Variants in SYTL3 observed in about 807,000 individuals in gnomAD.
The protein encoded by SYTL3 is synaptotagmin like 3, also known as synaptotagmin-like protein 3.
In SYTL3, 88 loss-of-function variants were observed where a neutral mutation model predicts 82.1. The observed-to-expected ratio is 1.07, with a 90% confidence interval of 0.90 to 1.28. The LOEUF (loss-of-function observed/expected upper bound fraction) is 1.28, where lower values mean the gene tolerates loss of function less well. Among genes scored for constraint, SYTL3 ranks in the 50% most tolerant of loss-of-function variants. The probability of loss-of-function intolerance (pLI) is 0.00; values close to 1 mark genes in which losing one functional copy is unlikely to be tolerated. For synonymous variants in SYTL3, 311 were observed against 289.4 expected, an observed-to-expected ratio of 1.07 and a Z score of -0.76; for missense variants, 831 against 757.6, an observed-to-expected ratio of 1.10 and a Z score of -1.14.
rs1789907735 is a variant in SYTL3, at chr6:158,761,320, T to TTC, written c.1414+575_1414+576insTC. On this transcript the variant is annotated intron_variant, in intron 15 of 17. Coordinates refer to ENST00000611299, the MANE Select transcript of SYTL3 (RefSeq NM_001242394.2). Reference sequence around the variant, plus strand: ...ACATTTCTTTTTTTTTTTTTTTTTTTGAGACAGAGTTTTGCTCTGTCACCC... The same window carrying TTC: ...ACATTTCTTTTTTTTTTTTTTTTTTTTCGAGACAGAGTTTTGCTCTGTCACCC... Among the ~76,000 whole-genome samples the TTC allele has an allele frequency of 6.5e-4, 95 of 147,136 alleles. 4 individuals carry two copies. The highest frequency in any genetic ancestry group is 2.2e-3 in the African/African-American group (87 of 39,912).
intron 10 of SYTL3, among the ~76,000 whole-genome samples, chr6:158,720,919 G>A (rs906467304): frequency 2.0e-5 from 3 of 152,200 alleles, no homozygotes; most frequent in Admixed American, 6.5e-5. Context: ...ACGCACCACA[G>A]GCTGGGCTTG....
At chr6:158,698,871 A>C (rs1284852125) in intron 6 of SYTL3, among the ~76,000 whole-genome samples, 1 of 152,224 alleles carries the variant, frequency 6.6e-6, no homozygotes, top group Admixed American at 6.5e-5. Flanking sequence ...GGCTCCGTTT[A>C]GATAGCCCCA....
At chr6:158,686,791 A>G (rs775796060) in intron 6 of SYTL3, among the ~76,000 whole-genome samples, 29 of 152,200 alleles carry the variant, frequency 1.9e-4, no homozygotes, top group Non-Finnish European at 3.5e-4. Flanking sequence ...TAGCAGCTGC[A>G]GGAGGCAGAC....
Position 158,725,763 on chromosome 6 carries a change from A to G in SYTL3, c.855+126A>G, listed in dbSNP as rs1784655543. On this transcript the variant is annotated intron_variant, in intron 11 of 17. Coordinates refer to ENST00000611299, the MANE Select transcript of SYTL3 (RefSeq NM_001242394.2). ...CCTTATTTTTGGAGAACAGCAAGGC[A>G]TTTTATTATCCATCCTTCCATTCCT... 6 of 1,251,800 alleles carry G rather than the reference A, an allele frequency of 4.8e-6. No individual in the cohort carries two copies. The South Asian group carries it at 8.6e-5, about 18-fold the overall frequency. The allele number at this position is 1,251,800 out of a possible 1,614,324, so 77.5% of individuals were successfully genotyped here.
intron 6 of SYTL3, among the ~76,000 whole-genome samples, chr6:158,687,118 G>A (rs1779386458): frequency 6.6e-6 from 1 of 152,176 alleles, no homozygotes; most frequent in African/African-American, 2.4e-5. Flanking sequence ...TCCACGCACT[G>A]GTTATCTATT....
chr6:158,669,514 TA>T (rs1474328902), intron 5 of SYTL3, among the ~76,000 whole-genome samples: 1 of 152,212 alleles, frequency 6.6e-6, no homozygotes, highest in East Asian at 1.9e-4. Flanking sequence ...TTAACAATGA[TA>T]AAGGTGCAAC....
Position 158,764,597 on chromosome 6 carries a change from T to C in SYTL3, c.1826T>C (p.Leu609Pro). ...PNLWTDMTLVLH is the reference protein window; with the variant it reads ...PNLWTDMTLVPH ...CTATGGACAGACATGACTCTTGTCC[T>C]GCACTGACATGAAGGCCTCAAGGTT... The change falls in exon 18 of 18, where the codon CTG becomes CCG. Residue 609 changes from leucine (L) to proline (P), a missense_variant. Physicochemically the swap from Leu to Pro is moderately conservative, Grantham distance 98 (BLOSUM62 -3). Coordinates refer to ENST00000611299, the MANE Select transcript of SYTL3 (RefSeq NM_001242394.2). 1.2e-6 allele frequency: 2 copies of C among 1,611,522 alleles called. 1 individual carries two copies. The highest frequency in any genetic ancestry group is 2.2e-5 in the South Asian group (2 of 91,006).
intron 6 of SYTL3, among the ~76,000 whole-genome samples, chr6:158,698,831 T>TGAGG (rs10699087): frequency 0.62 from 93,529 of 151,852 alleles, 29,901 homozygotes; most frequent in African/African-American, 0.77. Context: ...TAAGGCCTGT[T>TGAGG]AAGGGGCACA....
chr6:158,757,492 CTG>C lies in SYTL3; in HGVS notation c.1308+117_1308+118del, dbSNP rs1378691897. Reference sequence around the variant, plus strand: ...TACCTGGCAAGACTTGGACCCAAGACTGTGTGTTCGCCGGCCTGGCGCTGTGA... The same window carrying C: ...TACCTGGCAAGACTTGGACCCAAGACTGTGTTCGCCGGCCTGGCGCTGTGA... On this transcript the variant is annotated intron_variant, in intron 14 of 17. Coordinates refer to ENST00000611299, the MANE Select transcript of SYTL3 (RefSeq NM_001242394.2). The C allele has an allele frequency of 2.7e-5, 33 of 1,215,186 alleles. No individual in the cohort carries two copies. The South Asian group carries it at 2.7e-4, about 10-fold the overall frequency. 75.3% of individuals were successfully genotyped at this position (1,215,186 alleles called of 1,614,324 possible). A position where few individuals can be genotyped will look rare whatever the true frequency, so the allele number is the denominator to read the frequency against.
chr6:158,688,420 C>T (rs906545314), intron 6 of SYTL3, among the ~76,000 whole-genome samples: 3 of 152,122 alleles, frequency 2.0e-5, no homozygotes, highest in Non-Finnish European at 4.4e-5. Flanking sequence ...CACACTCTGG[C>T]CCCCATTACA....
chr6:158,738,799 A>G (rs1201131980), intron 11 of SYTL3, among the ~76,000 whole-genome samples: 1 of 152,182 alleles, frequency 6.6e-6, no homozygotes, highest in African/African-American at 2.4e-5. Context: ...CTGAGATGAC[A>G]GGTGTGTGCC....
chr6:158,729,818 G>A (rs539030505), intron 11 of SYTL3, among the ~76,000 whole-genome samples: 1 of 151,594 alleles, frequency 6.6e-6, no homozygotes, highest in Non-Finnish European at 1.5e-5. Flanking sequence ...CGCTCGCCTT[G>A]GCCTCCCAAA....
At chr6:158,754,187 T>C (rs1305985678) in intron 13 of SYTL3, among the ~76,000 whole-genome samples, 1 of 152,150 alleles carries the variant, frequency 6.6e-6, no homozygotes, top group Non-Finnish European at 1.5e-5. Context: ...GATCTAGAAA[T>C]TGATCCTCAA....
chr6:158,749,307 C>T lies in SYTL3; in HGVS notation c.1035-2621C>T, dbSNP rs188650651. On this transcript the variant is annotated intron_variant, in intron 12 of 17. Transcript: ENST00000611299. ...ACTTGGGAGGCTGAGGTGGGAGAATCACCTCAGCCCAGGAGGGCTGTGATT... is the reference window on the plus strand; with the variant it reads ...ACTTGGGAGGCTGAGGTGGGAGAATTACCTCAGCCCAGGAGGGCTGTGATT... 7.4e-3 allele frequency among the ~76,000 whole-genome samples: 1,048 copies of T among 141,982 alleles called. 17 individuals are homozygous for T. Among genetic ancestry groups the T allele is most frequent in the Non-Finnish European group, 7.0e-3 (463 of 66,232 alleles). The allele number at this position is 141,982 out of a possible 152,430, so 93.1% of individuals were successfully genotyped here.
At chr6:158,729,609 T>C (rs1785156261) in intron 11 of SYTL3, among the ~76,000 whole-genome samples, 1 of 150,140 alleles carries the variant, frequency 6.7e-6, no homozygotes, top group South Asian at 2.1e-4. Flanking sequence ...CTTTGTCACG[T>C]AGGCTGGAGT....
intron 5 of SYTL3, among the ~76,000 whole-genome samples, chr6:158,676,826 C>G (rs535297385): frequency 6.6e-6 from 1 of 152,228 alleles, no homozygotes; most frequent in African/African-American, 2.4e-5. Context: ...CACTGGCCAT[C>G]AGAGAAATGC....
At chr6:158,759,532 GGTT>G (rs924109678) in intron 14 of SYTL3, among the ~76,000 whole-genome samples, 23 of 152,212 alleles carry the variant, frequency 1.5e-4, no homozygotes, top group African/African-American at 2.4e-4. Context: ...TCTGTTTTTT[GGTT>G]GTTGTTGTTT....
chr6:158,725,603 C>T lies in SYTL3; in HGVS notation c.821C>T (p.Ala274Val), dbSNP rs201406240. 9.7e-5 allele frequency: 157 copies of T among 1,614,228 alleles called. 1 individual carries two copies. The highest frequency in any genetic ancestry group is 1.3e-4 in the Non-Finnish European group (152 of 1,180,036). Residue 274 changes from alanine to valine, a missense_variant, in exon 11 of 18, where the codon GCA becomes GTA. By Grantham distance (64) the Ala-to-Val change is moderately conservative. Coordinates refer to ENST00000611299, the MANE Select transcript of SYTL3 (RefSeq NM_001242394.2). The part of the protein sequence containing the change: ...LKQQNLPSSP[A>V]PSTIFSGGFR... The stretch of plus-strand genomic sequence containing the variant: ...CAACAGAATCTCCCATCCAGTCCGG[C>T]ACCCAGTACCATATTCTCTGGAGGT...
At chr6:158,676,554 T>C (rs1352292394) in intron 5 of SYTL3, among the ~76,000 whole-genome samples, 1 of 151,632 alleles carries the variant, frequency 6.6e-6, no homozygotes, top group African/African-American at 2.4e-5. Context: ...AATTGACAAA[T>C]GGGATCTAAT....
Sources: gnomAD v4.1 joint callset for allele counts (sites outside exome capture counted in the v4.1 genomes callset) on GRCh38, gnomAD v4.1.1 for gene constraint, MANE v1.5 for transcripts, NCBI Gene and HGNC (gene_info 2026-07-23, HGNC 2026-07-21) for gene names.